The following SRCIN1 variants were observed in gnomAD, a reference collection of about 807,000 sequenced individuals.
The protein encoded by SRCIN1 is P130Cas-associated protein.
SRCIN1 carries 50 observed loss-of-function variants against 116.2 expected under a neutral mutation model. The ratio of observed to expected loss-of-function variants is 0.43; its 90% CI spans 0.34 to 0.54. SRCIN1 has a LOEUF of 0.54. Ranked by LOEUF, SRCIN1 falls within the 20% of genes least tolerant of loss-of-function variation. The probability of loss-of-function intolerance (pLI) is 0.02; values close to 1 mark genes in which losing one functional copy is unlikely to be tolerated. For synonymous variants in SRCIN1, 736 were observed against 750.0 expected (o/e 0.98, Z 0.30); for missense variants, 1,446 against 1,672.0 (o/e 0.86, Z 2.36).
chr17:38,532,392 A>G lies in SRCIN1; in HGVS notation c.*905T>C, dbSNP rs2040934287. On this transcript the variant is annotated 3_prime_UTR_variant, in exon 19 of 19. Coordinates refer to ENST00000617146, the MANE Select transcript of SRCIN1 (RefSeq NM_025248.3). The surrounding 1 kb of genome is among the most constrained non-coding windows in gnomAD (Gnocchi z 4.3). ...CTCTTGCCCACCCCATCCCCATTCA[A>G]TAAGTTAATGCCATTTAAAGTGCTA... 1 of 152,614 alleles carries G rather than the reference A, an allele frequency of 6.6e-6. No homozygotes were observed. Among genetic ancestry groups the G allele is most frequent in the Non-Finnish European group, 1.5e-5 (1 of 68,092 alleles). 9.5% of individuals were successfully genotyped at this position (152,614 alleles called of 1,614,324 possible). A position where few individuals can be genotyped will look rare whatever the true frequency, so the allele number is the denominator to read the frequency against.
In SRCIN1 at chr17:38,563,544, G is replaced by C; in HGVS notation, c.542-23C>G. On this transcript the variant is annotated intron_variant, in intron 4 of 18. Transcript: ENST00000617146. This position sits in a 1 kb window ranked among gnomAD's most constrained non-coding sequence, Gnocchi z 5.8. The stretch of plus-strand genomic sequence containing the variant: ...CCCCTGCGAAGGAGACGCCGCCCTC[G>C]CTGTCACTGCTGCCGTCTCCACGCC... 6.5e-7 allele frequency: 1 copy of C among 1,542,732 alleles called. No homozygotes were observed. The highest frequency in any genetic ancestry group is 2.4e-5 in the East Asian group (1 of 40,904).
intron 1 of SRCIN1, among the ~76,000 whole-genome samples, chr17:38,580,979 G>A (rs558593998): frequency 6.6e-6 from 1 of 152,286 alleles, no homozygotes; most frequent in South Asian, 2.1e-4. Context: ...GGAATTACAG[G>A]TGCCTGCCAC....
rs997643855 is a variant in SRCIN1, at chr17:38,562,540, C to G, written c.835-212G>C. On this transcript the variant is annotated intron_variant, in intron 6 of 18. Transcript: ENST00000617146. This position sits in a 1 kb window ranked among gnomAD's most constrained non-coding sequence, Gnocchi z 4.2. The stretch of plus-strand genomic sequence containing the variant: ...GATGAAGAGGCACCAGAGGGGTAAC[C>G]CTCAGCTCAGCTACCGTGAGGGGTG... Among the ~76,000 whole-genome samples, 1 of 152,238 alleles carries G rather than the reference C, an allele frequency of 6.6e-6. No homozygotes were observed. The highest frequency in any genetic ancestry group is 1.5e-5 in the Non-Finnish European group (1 of 68,040).
intron 11 of SRCIN1, among the ~76,000 whole-genome samples, chr17:38,554,484 C>T (rs1406108794): frequency 1.3e-5 from 2 of 152,118 alleles, no homozygotes; most frequent in African/African-American, 4.8e-5. Context: ...CACACACGTG[C>T]TAACTCCCAC....
chr17:38,533,120 A>C lies in SRCIN1; in HGVS notation c.*177T>G. Reference sequence around the variant, plus strand: ...TAAAAAAAAAAAAAAAAACAAAACCAAAAACACCAACAGATGATGGGTAGG... The same window carrying C: ...TAAAAAAAAAAAAAAAAACAAAACCCAAAACACCAACAGATGATGGGTAGG... On this transcript the variant is annotated 3_prime_UTR_variant, in exon 19 of 19. Transcript: ENST00000617146. 1.8e-6 allele frequency: 1 copy of C among 541,516 alleles called. No individual in the cohort carries two copies. The allele number at this position is 541,516 out of a possible 1,614,324, so 33.5% of individuals were successfully genotyped here.
intron 1 of SRCIN1, among the ~76,000 whole-genome samples, chr17:38,582,549 C>G (rs899060503): frequency 6.6e-6 from 1 of 152,224 alleles, no homozygotes; most frequent in Admixed American, 6.5e-5. Context: ...GGCCGTCGCT[C>G]AGCCCTCAGG....
chr17:38,582,322 G>A (rs760619301), intron 1 of SRCIN1, among the ~76,000 whole-genome samples: 1 of 152,196 alleles, frequency 6.6e-6, no homozygotes, highest in Non-Finnish European at 1.5e-5. Flanking sequence ...TGACTGTGGA[G>A]TGGGAGGGTC....
At chr17:38,584,103 G>A (rs962586456) in intron 1 of SRCIN1, among the ~76,000 whole-genome samples, 5 of 152,190 alleles carry the variant, frequency 3.3e-5, no homozygotes, top group African/African-American at 4.8e-5. Context: ...TGAGAGACCC[G>A]GGCTGGGGTC....
rs754043918 is a variant in SRCIN1, at chr17:38,561,558, C to T, written c.1605G>A (p.Thr535=). The change falls in exon 7 of 19, where the codon ACG becomes ACA. Residue 535 remains threonine, a synonymous_variant. Coordinates refer to ENST00000617146, the MANE Select transcript of SRCIN1 (RefSeq NM_025248.3). ...AGAGCTCCGAAGGGGGAGCTCCGGC[C>T]GTCGAGGCGCTCCCCGCGCTGCGGG... ...GKTRSAGSAS[T]AGAPPSELFP... 6.2e-7 allele frequency: 1 copy of T among 1,601,030 alleles called. No individual in the cohort carries two copies. Among genetic ancestry groups the T allele is most frequent in the South Asian group, 1.1e-5 (1 of 90,410 alleles).
rs965973337 is a variant in SRCIN1 at position 38,568,453 on chromosome 17, C to G, written c.325-222G>C. ...GGATGGCCCTGAGCAGGCGCTACAG[C>G]GACTCCTCGCAGAGTTACTGGTGGG... is the stretch of plus-strand genomic sequence containing the variant. On this transcript the variant is annotated intron_variant, in intron 2 of 18. Transcript: ENST00000617146. The surrounding 1 kb of genome is among the most constrained non-coding windows in gnomAD (Gnocchi z 4.5). 1.3e-5 allele frequency among the ~76,000 whole-genome samples: 2 copies of G among 152,220 alleles called. No individual in the cohort carries two copies. Among genetic ancestry groups the G allele is most frequent in the Admixed American group, 6.5e-5 (1 of 15,290 alleles).
chr17:38,586,286 C>T (rs3892643), intron 1 of SRCIN1, among the ~76,000 whole-genome samples: 13,484 of 152,262 alleles, frequency 0.089, 735 homozygotes, highest in African/African-American at 0.15. Flanking sequence ...GGCCATCCCC[C>T]CAGCGTGGGC....
intron 18 of SRCIN1, among the ~76,000 whole-genome samples, chr17:38,537,762 G>T (rs1336124688): frequency 6.7e-6 from 1 of 148,810 alleles, no homozygotes; most frequent in Non-Finnish European, 1.5e-5. Context: ...CTGCACTCCA[G>T]CCTGGGCAAC....
chr17:38,603,307 G>A (rs1481833546), intron 1 of SRCIN1, among the ~76,000 whole-genome samples: 2 of 151,698 alleles, frequency 1.3e-5, no homozygotes, highest in Admixed American at 6.6e-5. Context: ...TCTTTAAGAC[G>A]CCTGGAACCC....
At chr17:38,559,321 G>A (rs1411431136) in intron 10 of SRCIN1, 4 of 538,700 alleles carry the variant, frequency 7.4e-6, no homozygotes, top group Non-Finnish European at 1.3e-5. Flanking sequence ...TGGGGACTCA[G>A]GGAAGGAGAA....
intron 10 of SRCIN1, 54 bp downstream of exon 10, chr17:38,559,531 G>C (rs1380786455): frequency 6.4e-7 from 1 of 1,560,390 alleles, no homozygotes. Flanking sequence ...TGCGGCAAGG[G>C]ACTTCTACCA....
At chr17:38,543,671 G>A (rs142498321) in intron 18 of SRCIN1, among the ~76,000 whole-genome samples, 152 bp downstream of exon 18, 72 of 152,320 alleles carry the variant, frequency 4.7e-4, no homozygotes, top group African/African-American at 1.7e-3. Flanking sequence ...GACGGTTCAG[G>A]GGGTGGGTGG....
chr17:38,552,455 C>A lies in SRCIN1; in HGVS notation c.2472G>T (p.Gln824His). 6.2e-7 allele frequency: 1 copy of A among 1,600,978 alleles called. No individual in the cohort carries two copies. The highest frequency in any genetic ancestry group is 8.5e-7 in the Non-Finnish European group (1 of 1,174,520). ...GTCAGGGACAGAATGACCTTCGGAT[C>A]TGGGCCAGCGTGTCCGTGACCCCGC... ...RCRGVTDTLA[Q>H]IRRQVDEGVW... The change falls in exon 13 of 19, where the codon CAG becomes CAT. Residue 824 changes from glutamine (Q) to histidine (H), a missense_variant. Around this residue, in one of 5 missense-constraint regions of SRCIN1, gnomAD observed 531 missense variants for 633.9 expected, o/e 0.84. Coordinates refer to ENST00000617146, the MANE Select transcript of SRCIN1 (RefSeq NM_025248.3). The surrounding 1 kb of genome is among the most constrained non-coding windows in gnomAD (Gnocchi z 5.3).
At chr17:38,547,330 G>A (rs1905131151) in intron 17 of SRCIN1, among the ~76,000 whole-genome samples, 1 of 152,120 alleles carries the variant, frequency 6.6e-6, no homozygotes, top group African/African-American at 2.4e-5. Context: ...TGGGGGCTAG[G>A]CAAGGGCTCA....
intron 2 of SRCIN1, among the ~76,000 whole-genome samples, chr17:38,578,088 C>T (rs970897358): frequency 6.6e-6 from 1 of 152,182 alleles, no homozygotes; most frequent in Non-Finnish European, 1.5e-5. Flanking sequence ...GAGGTGCCGA[C>T]GACCCCAGCA....
Sources: allele counts gnomAD v4.1 joint callset (sites outside exome capture counted in the v4.1 genomes callset), GRCh38; gene constraint gnomAD v4.1.1; regional missense constraint gnomAD v4.1.1; non-coding constraint Gnocchi (gnomAD v3.1); transcripts MANE v1.5; gene names NCBI Gene and HGNC (gene_info 2026-07-23, HGNC 2026-07-21).